Variants in YEATS2 observed in about 807,000 individuals in gnomAD.
YEATS2 encodes the protein YEATS domain-containing protein 2.
In YEATS2, 77 loss-of-function variants were observed where a neutral mutation model predicts 163.2. That is an observed-to-expected ratio of 0.47 (90% CI 0.39 to 0.57). The LOEUF (loss-of-function observed/expected upper bound fraction) is 0.57, where lower values mean the gene tolerates loss of function less well. Among genes scored for constraint, YEATS2 ranks in the 20% least tolerant of loss-of-function variants. The pLI is 0.00. For synonymous variants in YEATS2, 631 were observed against 645.1 expected (o/e 0.98, Z 0.33); for missense variants, 1,549 against 1,729.8 (o/e 0.90, Z 1.85).
In YEATS2 at chr3:183,761,635, T is replaced by C. The variant is rs370734347; in HGVS notation, c.1764+21T>C. 2.9e-5 allele frequency: 47 copies of C among 1,601,514 alleles called. No individual in the cohort carries two copies. The African/African-American group carries it at 6.0e-4, about 21-fold the overall frequency. ...CAAAAGTGAGTATGTATTAGGGCAT[T>C]GTCCCACAAGTCATAATACTTTTTG... On this transcript the variant is annotated intron_variant, in intron 14 of 30. Coordinates refer to ENST00000305135, the MANE Select transcript of YEATS2 (RefSeq NM_018023.5).
chr3:183,750,624 CTGT>C (rs1254993642), intron 9 of YEATS2, among the ~76,000 whole-genome samples: 1 of 152,058 alleles, frequency 6.6e-6, no homozygotes, highest in African/African-American at 2.4e-5. Flanking sequence ...AGTAGTTATT[CTGT>C]TGTTTGTGAT....
chr3:183,776,952 CAAA>C (rs763680761), intron 18 of YEATS2, among the ~76,000 whole-genome samples: 5 of 92,142 alleles, frequency 5.4e-5, no homozygotes, highest in Admixed American at 1.2e-4. Context: ...GACTCTGTCT[CAAA>C]AAAAAAAAAA....
chr3:183,736,127 A>G (rs781627660), intron 7 of YEATS2, among the ~76,000 whole-genome samples: 1 of 152,084 alleles, frequency 6.6e-6, no homozygotes, highest in Admixed American at 6.6e-5. Flanking sequence ...CTTCCTTCAC[A>G]AATTACATTG....
intron 9 of YEATS2, among the ~76,000 whole-genome samples, chr3:183,751,085 T>C (rs1720113345): frequency 6.6e-6 from 1 of 152,232 alleles, no homozygotes; most frequent in African/African-American, 2.4e-5. Context: ...GTTTTAGCTT[T>C]TATGTTTCGT....
At chr3:183,751,126 G>C (rs1280845112) in intron 9 of YEATS2, among the ~76,000 whole-genome samples, 3 of 152,134 alleles carry the variant, frequency 2.0e-5, no homozygotes, top group African/African-American at 7.2e-5. Flanking sequence ...TTGGTATATA[G>C]TGTAAGGTAA....
chr3:183,746,428 C>G (rs1347656647), intron 8 of YEATS2, among the ~76,000 whole-genome samples: 1 of 152,002 alleles, frequency 6.6e-6, no homozygotes, highest in Non-Finnish European at 1.5e-5. Flanking sequence ...TTAATGATAG[C>G]CTTCATGTCT....
At chr3:183,741,923 T>C (rs1434993005) in intron 8 of YEATS2, among the ~76,000 whole-genome samples, 1 of 150,286 alleles carries the variant, frequency 6.7e-6, no homozygotes, top group African/African-American at 2.4e-5. Flanking sequence ...GAAATATATT[T>C]TGTGGCCAGG....
chr3:183,806,763 CCT>C (rs1726247750), intron 27 of YEATS2, 101 bp from the exon 28 acceptor site: 3 of 1,189,494 alleles, frequency 2.5e-6, no homozygotes, highest in Non-Finnish European at 3.6e-6. Flanking sequence ...GGTCAGCTCC[CCT>C]GATGCTTATC....
chr3:183,773,105 T>A (rs1444569617), intron 16 of YEATS2, among the ~76,000 whole-genome samples: 1 of 152,162 alleles, frequency 6.6e-6, no homozygotes, highest in Non-Finnish European at 1.5e-5. Flanking sequence ...ACTCATCCTT[T>A]TGTCTGCCAA....
intron 25 of YEATS2, chr3:183,802,904 TG>T (rs1227957929): frequency 4.9e-6 from 1 of 202,080 alleles, no homozygotes; most frequent in Admixed American, 5.6e-5. Flanking sequence ...CACTCCAGCC[TG>T]GGTGACAAAG....
chr3:183,698,232 C>A (rs1410998457), intron 1 of YEATS2, among the ~76,000 whole-genome samples: 1 of 152,184 alleles, frequency 6.6e-6, no homozygotes, highest in Admixed American at 6.5e-5. Flanking sequence ...GCTTCCTCTT[C>A]AGCGGGGCGC....
intron 2 of YEATS2, 62 bp from the exon 3 acceptor site, chr3:183,717,589 A>T: frequency 1.6e-6 from 2 of 1,236,902 alleles, no homozygotes; most frequent in Non-Finnish European, 2.3e-6. Flanking sequence ...TTGCTTGCTG[A>T]CTTAAATAAA....
chr3:183,775,876 T>C (rs1240236584), intron 17 of YEATS2, 39 bp from the exon 18 acceptor site: 1 of 1,610,188 alleles, frequency 6.2e-7, no homozygotes, highest in Non-Finnish European at 8.5e-7. Flanking sequence ...CTTTGCTTGA[T>C]ACTTTTTATG....
In YEATS2 at chr3:183,717,226, C is replaced by T. The variant is rs565450880; in HGVS notation, c.101-425C>T. On this transcript the variant is annotated intron_variant, in intron 2 of 30. Transcript: ENST00000305135. Reference sequence around the variant, plus strand: ...TGTATTTTATAGCTATTTCCCTCCCCGCAGGATCCAGTCCAGGACATACAG... The same window carrying T: ...TGTATTTTATAGCTATTTCCCTCCCTGCAGGATCCAGTCCAGGACATACAG... 8.0e-4 allele frequency among the ~76,000 whole-genome samples: 121 copies of T among 152,162 alleles called. 1 individual carries two copies. The highest frequency in any genetic ancestry group is 2.7e-3 in the African/African-American group (112 of 41,544).
intron 18 of YEATS2, among the ~76,000 whole-genome samples, chr3:183,776,614 A>G (rs1723025659): frequency 6.6e-6 from 1 of 152,120 alleles, no homozygotes; most frequent in African/African-American, 2.4e-5. Flanking sequence ...AGATTGAGAA[A>G]GATTTTAGTA....
At chr3:183,792,831 A>T (rs1724789619) in intron 21 of YEATS2, among the ~76,000 whole-genome samples, 1 of 152,164 alleles carries the variant, frequency 6.6e-6, no homozygotes, top group African/African-American at 2.4e-5. Flanking sequence ...TTTTATAACT[A>T]ATTTTAGGGC....
At chr3:183,771,179 G>T (rs761779240) in intron 15 of YEATS2, among the ~76,000 whole-genome samples, 3 of 152,150 alleles carry the variant, frequency 2.0e-5, no homozygotes, top group Non-Finnish European at 4.4e-5. Flanking sequence ...ACAGCCTCTA[G>T]TAACTTCTTG....
intron 12 of YEATS2, 28 bp downstream of exon 12, chr3:183,756,717 T>G: frequency 7.2e-7 from 1 of 1,388,068 alleles, no homozygotes; most frequent in South Asian, 2.0e-5. Context: ...ATTTGTACCA[T>G]CTAAAGGGTT....
chr3:183,794,478 A>G (rs1022295049), intron 21 of YEATS2, among the ~76,000 whole-genome samples: 7 of 152,378 alleles, frequency 4.6e-5, no homozygotes, highest in Non-Finnish European at 8.8e-5. Context: ...GGAGATCATT[A>G]CAGAGTGAGG....
Sources: gnomAD v4.1 joint callset for allele counts (sites outside exome capture counted in the v4.1 genomes callset) on GRCh38, gnomAD v4.1.1 for gene constraint, MANE v1.5 for transcripts, NCBI Gene and HGNC (gene_info 2026-07-23, HGNC 2026-07-21) for gene names.